Variants in MCM3AP observed in about 807,000 individuals in gnomAD.
MCM3AP encodes minichromosome maintenance complex component 3 associated protein.
Under a neutral mutation model 184.1 loss-of-function variants are expected in MCM3AP, and 126 were observed. That is an observed-to-expected ratio of 0.68 (90% confidence interval 0.59 to 0.79). MCM3AP has a LOEUF of 0.79. Ranked by LOEUF, MCM3AP falls within the 30% of genes least tolerant of loss-of-function variation. MCM3AP has a pLI of 0.00. For synonymous variants in MCM3AP, 1,002 were observed against 979.3 expected, an observed-to-expected ratio of 1.02 and a Z score of -0.43; for missense variants, 2,496 against 2,479.2, an observed-to-expected ratio of 1.01 and a Z score of -0.14.
rs768066814 is a variant in MCM3AP, at chr21:46,267,063, C to G, written c.2708G>C (p.Gly903Ala). The G allele has an allele frequency of 6.2e-7, 1 of 1,614,166 alleles. No individual in the cohort carries two copies. Among genetic ancestry groups the G allele is most frequent in the Non-Finnish European group, 8.5e-7 (1 of 1,180,014 alleles). The change falls in exon 10 of 28, where the codon GGT (glycine) becomes GCT (alanine). Residue 903 changes from glycine (G) to alanine (A), a missense_variant. Transcript: ENST00000291688. Reference protein sequence around the residue: ...TQRSTIFPLDGVVRMLLFRDC... With the variant: ...TQRSTIFPLDAVVRMLLFRDC... ...TCTGAACAGCAGCATGCGCACCACACCATCCAGGGGAAAGATGGTAGATCG... is the reference window on the plus strand; with the variant it reads ...TCTGAACAGCAGCATGCGCACCACAGCATCCAGGGGAAAGATGGTAGATCG...
At chr21:46,254,906 G>T in intron 17 of MCM3AP, 62 bp from the exon 18 acceptor site, 3 of 1,201,014 alleles carry the variant, frequency 2.5e-6, no homozygotes, top group Non-Finnish European at 3.7e-6. Context: ...ACTGGCTAGT[G>T]TCCCCTGGGG....
chr21:46,265,674 A>G (rs1481829286), intron 11 of MCM3AP, 151 bp from the exon 12 acceptor site: 5 of 760,190 alleles, frequency 6.6e-6, no homozygotes, highest in Non-Finnish European at 8.3e-6. Context: ...GTGGGACAAC[A>G]TACGCTTTGC....
chr21:46,267,206 C>G, intron 9 of MCM3AP, 64 bp from the exon 10 acceptor site: 1 of 1,504,630 alleles, frequency 6.6e-7, no homozygotes, highest in Non-Finnish European at 9.1e-7. Flanking sequence ...ATGCAGTCAG[C>G]CCATGACCAC....
At position 46,235,432 on chromosome 21, in the gene MCM3AP, T is replaced by A. The variant is rs373865756; in HGVS notation, c.5785-6A>T. On this transcript the variant is annotated splice_region_variant and splice_polypyrimidine_tract_variant and intron_variant, in intron 27 of 27. Transcript: ENST00000291688. ...TGCTCCCTCATCATGTCACTCTATT[T>A]GAATAAAAAAGAAACTGAACAGTTT... 240 of 1,613,706 alleles carry A rather than the reference T, an allele frequency of 1.5e-4. 1 individual carries two copies. The highest frequency in any genetic ancestry group is 4.9e-4 in the Middle Eastern group (3 of 6,062).
At chr21:46,240,012 C>G (rs1242089796) in intron 26 of MCM3AP, among the ~76,000 whole-genome samples, 5 of 152,090 alleles carry the variant, frequency 3.3e-5, no homozygotes, top group Non-Finnish European at 7.4e-5. Context: ...ATTAAGAGGG[C>G]AGAAACATGA....
chr21:46,270,548 G>C lies in MCM3AP; in HGVS notation c.2481C>G (p.Phe827Leu). The stretch of plus-strand genomic sequence containing the variant: ...CAGATGAGTTTCTAACAGCAGGATG[G>C]AACTGTTGTACTTCTCTGTTAATTA... Reference protein sequence around the residue: ...KGDILREVQQFHPAVRNSSEV... With the variant: ...KGDILREVQQLHPAVRNSSEV... Residue 827 changes from phenylalanine to leucine, a missense_variant, in exon 9 of 28, where the codon TTC becomes TTG. By Grantham distance (22) the Phe-to-Leu change is conservative. Transcript: ENST00000291688. 1 of 1,609,804 alleles carries C rather than the reference G, an allele frequency of 6.2e-7. No individual in the cohort carries two copies. Among genetic ancestry groups the C allele is most frequent in the South Asian group, 1.1e-5 (1 of 89,942 alleles).
Position 46,261,351 on chromosome 21 carries a change from G to A in MCM3AP, c.3396C>T (p.His1132=), listed in dbSNP as rs1373163942. ...CCTTAGACACTTCTTCAGCTGCAAT[G>A]TGCCTCAAAATGCCCGTGGTTGCAG... ...LTAATTGILR[H]IAAEEVSKER... Residue 1132 remains histidine (H), a synonymous_variant, in exon 14 of 28, where the codon CAC becomes CAT. Coordinates refer to ENST00000291688, the MANE Select transcript of MCM3AP (RefSeq NM_003906.5). 1.2e-6 allele frequency: 2 copies of A among 1,614,086 alleles called. No homozygotes were observed. Among genetic ancestry groups the A allele is most frequent in the Admixed American group, 1.7e-5 (1 of 60,030 alleles).
chr21:46,274,796 G>C (rs550133687), intron 6 of MCM3AP, among the ~76,000 whole-genome samples: 167 of 152,002 alleles, frequency 1.1e-3, no homozygotes, highest in Non-Finnish European at 1.8e-3. Context: ...GTAACTAGGC[G>C]TGGTGGAGCA....
At chr21:46,254,593 C>T in intron 18 of MCM3AP, 67 bp from the exon 19 acceptor site, 1 of 1,587,174 alleles carries the variant, frequency 6.3e-7, no homozygotes, top group Non-Finnish European at 8.6e-7. Flanking sequence ...CACACACATC[C>T]TATGAGCAGG....
At chr21:46,281,951 T>C (rs1053887194) in intron 2 of MCM3AP, among the ~76,000 whole-genome samples, 5 of 152,036 alleles carry the variant, frequency 3.3e-5, no homozygotes, top group Admixed American at 6.5e-5. Context: ...TGAGCCAAGA[T>C]TGCGCCACTA....
chr21:46,237,030 C>T (rs2080544794), intron 26 of MCM3AP, 51 bp from the exon 27 acceptor site: 1 of 1,174,864 alleles, frequency 8.5e-7, no homozygotes, highest in African/African-American at 1.6e-5. Context: ...AGGAAGTTAA[C>T]TATTGTTCAT....
chr21:46,244,492 G>A, intron 23 of MCM3AP: 1 of 375,906 alleles, frequency 2.7e-6, no homozygotes, highest in Non-Finnish European at 4.8e-6. Context: ...CTGTGGGCAG[G>A]CAGGACAGGA....
At position 46,267,159 on chromosome 21, in the gene MCM3AP, A is replaced by T; in HGVS notation, c.2629-17T>A. The T allele has an allele frequency of 1.9e-6, 3 of 1,611,184 alleles. No homozygotes were observed. The highest frequency in any genetic ancestry group is 2.5e-6 in the Non-Finnish European group (3 of 1,178,778). ...CTTGCGGATCTGAGAGGAGGAGCGA[A>T]ATCACTGCAGTCTCAGACGAAGGCC... is the stretch of plus-strand genomic sequence containing the variant. On this transcript the variant is annotated splice_polypyrimidine_tract_variant and intron_variant, in intron 9 of 27. Coordinates refer to ENST00000291688, the MANE Select transcript of MCM3AP (RefSeq NM_003906.5).
At chr21:46,269,773 G>A (rs1671878849) in intron 9 of MCM3AP, among the ~76,000 whole-genome samples, 1 of 152,198 alleles carries the variant, frequency 6.6e-6, no homozygotes, top group African/African-American at 2.4e-5. Flanking sequence ...GGTGGGCCGC[G>A]GTCCTGGTCA....
chr21:46,256,748 G>A (rs2080956087), intron 17 of MCM3AP, 41 bp downstream of exon 17: 1 of 1,530,806 alleles, frequency 6.5e-7, no homozygotes, highest in Non-Finnish European at 8.8e-7. Context: ...CCAAGTGGGG[G>A]CAGGGGAGCC....
chr21:46,266,217 G>A, intron 10 of MCM3AP, 51 bp from the exon 11 acceptor site: 1 of 1,546,130 alleles, frequency 6.5e-7, no homozygotes, highest in Non-Finnish European at 8.8e-7. Context: ...GGAGAAGACA[G>A]CTTCGCCCTC....
chr21:46,239,901 AAGGACT>A (rs2080623916), intron 26 of MCM3AP, among the ~76,000 whole-genome samples: 1 of 152,138 alleles, frequency 6.6e-6, no homozygotes, highest in African/African-American at 2.4e-5. Flanking sequence ...GGATGCTACC[AAGGACT>A]GGGATTCACG....
Position 46,262,024 on chromosome 21 carries a change from C to T in MCM3AP, c.3336-613G>A, listed in dbSNP as rs192956789. On this transcript the variant is annotated intron_variant, in intron 13 of 27. Transcript: ENST00000291688. ...CATCTAAAACCCTTGTGGTTCCAAG[C>T]GTTTTGAAGAAGGGATATGCAACCT... Among the ~76,000 whole-genome samples the T allele has an allele frequency of 5.3e-5, 8 of 152,252 alleles. No individual in the cohort carries two copies. In the East Asian group the frequency reaches 5.8e-4, roughly 11 times the overall value.
intron 9 of MCM3AP, among the ~76,000 whole-genome samples, chr21:46,268,330 A>G (rs1432352264): frequency 1.3e-5 from 2 of 152,230 alleles, no homozygotes; most frequent in Non-Finnish European, 2.9e-5. Context: ...CTTTAATTCA[A>G]CCAACACTGA....
Sources: gnomAD v4.1 joint callset for allele counts (sites outside exome capture counted in the v4.1 genomes callset) on GRCh38, gnomAD v4.1.1 for gene constraint, MANE v1.5 for transcripts, NCBI Gene and HGNC (gene_info 2026-07-23, HGNC 2026-07-21) for gene names.